GRIK5: variants seen among roughly 807,000 people sequenced by gnomAD.
GRIK5 encodes glutamate ionotropic receptor kainate type subunit 5.
Under a neutral mutation model 97.4 loss-of-function variants are expected in GRIK5, and 43 were observed. The observed-to-expected ratio is 0.44, with a 90% CI of 0.35 to 0.57. GRIK5 has a LOEUF of 0.57. GRIK5 is among the 20% of genes least tolerant of loss of function. The pLI, the probability that GRIK5 is intolerant of heterozygous loss-of-function variation, is 0.01. For missense variants in GRIK5, 1,015 were observed against 1,382.0 expected (o/e 0.73, Z 4.21); for synonymous variants, 580 against 583.5 (o/e 0.99, Z 0.09).
rs571224131 is a variant in GRIK5, at chr19:42,013,120, G to A, written c.1872-6310C>T. ...TGTAATCGCGGCACTTTGGGAGGCT[G>A]AGGCAGGAAGATCGCTTGAGGCCAG... On this transcript the variant is annotated intron_variant, in intron 15 of 19. Transcript: ENST00000593562. Among the ~76,000 whole-genome samples the A allele has an allele frequency of 5.3e-5, 8 of 151,416 alleles. No individual in the cohort carries two copies. The East Asian group carries it at 7.9e-4, about 15-fold the overall frequency.
chr19:42,012,934 C>A (rs2075581510), intron 15 of GRIK5, among the ~76,000 whole-genome samples: 1 of 151,842 alleles, frequency 6.6e-6, no homozygotes, highest in Non-Finnish European at 1.5e-5. Context: ...GTGTCAGTAT[C>A]CATAAATAAA....
intron 12 of GRIK5, among the ~76,000 whole-genome samples, chr19:42,032,130 T>C (rs1036162782): frequency 2.0e-5 from 3 of 152,166 alleles, no homozygotes; most frequent in Admixed American, 6.6e-5. Flanking sequence ...AAAAAAAAGA[T>C]GTTTGTTAAT....
At chr19:42,045,993 T>A (rs1411191240) in intron 11 of GRIK5, among the ~76,000 whole-genome samples, 1 of 152,124 alleles carries the variant, frequency 6.6e-6, no homozygotes. Context: ...AGGTTGGGTA[T>A]CAAAGCTGGA....
At chr19:42,030,622 A>G (rs1042336943) in intron 12 of GRIK5, among the ~76,000 whole-genome samples, 3 of 144,878 alleles carry the variant, frequency 2.1e-5, no homozygotes, top group Non-Finnish European at 4.6e-5. Flanking sequence ...TGCCCAGCTA[A>G]TTTTTTTTTT....
In GRIK5 at chr19:42,069,258, A is replaced by T. The variant is rs1283611116; in HGVS notation, c.-68T>A. 4 of 179,270 alleles carry T rather than the reference A, an allele frequency of 2.2e-5. No homozygotes were observed. The East Asian group carries it at 5.0e-4, about 23-fold the overall frequency. 11.1% of individuals were successfully genotyped at this position (179,270 alleles called of 1,614,324 possible). On this transcript the variant is annotated 5_prime_UTR_variant, in exon 1 of 20. Coordinates refer to ENST00000593562, the MANE Select transcript of GRIK5 (RefSeq NM_002088.5). The stretch of plus-strand genomic sequence containing the variant: ...ACACTCACGGATCCTGGTGGGACGG[A>T]GGGCTGGGCTCCCTCGAGGCCCGAA...
intron 15 of GRIK5, among the ~76,000 whole-genome samples, chr19:42,012,513 A>G (rs1568886853): frequency 6.6e-6 from 1 of 152,132 alleles, no homozygotes; most frequent in Non-Finnish European, 1.5e-5. Context: ...GGCCTCCCAA[A>G]GTGCTAGGAT....
chr19:42,027,448 G>A (rs1286996839), intron 12 of GRIK5, among the ~76,000 whole-genome samples: 1 of 152,248 alleles, frequency 6.6e-6, no homozygotes, highest in Non-Finnish European at 1.5e-5. Flanking sequence ...AGGAGGGCCT[G>A]GGAAGGCAGC....
chr19:42,065,586 C>A lies in GRIK5; in HGVS notation c.79+106G>T. 1.8e-6 allele frequency: 2 copies of A among 1,087,788 alleles called. No individual in the cohort carries two copies. Among genetic ancestry groups the A allele is most frequent in the Non-Finnish European group, 2.7e-6 (2 of 750,574 alleles). 67.4% of individuals were successfully genotyped at this position (1,087,788 alleles called of 1,614,324 possible). ...AGGAACTGGAGGCTGGGATTCCTTG[C>A]TGCTGAAGAGAGCTGAGACCTGGAC... is the stretch of plus-strand genomic sequence containing the variant. On this transcript the variant is annotated intron_variant, in intron 2 of 19. Coordinates refer to ENST00000593562, the MANE Select transcript of GRIK5 (RefSeq NM_002088.5). This position sits in a 1 kb window ranked among gnomAD's most constrained non-coding sequence, Gnocchi z 5.8.
chr19:42,060,167 A>G (rs757962232), intron 5 of GRIK5, among the ~76,000 whole-genome samples: 3 of 151,928 alleles, frequency 2.0e-5, no homozygotes, highest in South Asian at 4.2e-4. Flanking sequence ...AATCTGCCCA[A>G]CTCAACCCCT....
intron 15 of GRIK5, among the ~76,000 whole-genome samples, chr19:42,007,413 T>A (rs115875872): frequency 6.6e-6 from 1 of 152,130 alleles, no homozygotes; most frequent in Non-Finnish European, 1.5e-5. Context: ...ATTTAAAACA[T>A]AGGACAAGAG....
chr19:42,023,275 G>A (rs1450640505), intron 12 of GRIK5, among the ~76,000 whole-genome samples: 7 of 152,116 alleles, frequency 4.6e-5, no homozygotes, highest in African/African-American at 9.7e-5. Context: ...AGACAGCACA[G>A]CCCTGAAGCA....
rs1192913122 is a variant in GRIK5, at chr19:42,002,143, G to A, written c.2514+1189C>T. On this transcript the variant is annotated intron_variant, in intron 19 of 19. Transcript: ENST00000593562. This position sits in a 1 kb window ranked among gnomAD's most constrained non-coding sequence, Gnocchi z 5.2. ...GACATGGAAGTTGCTGGTGACAAGA[G>A]TGGCTTCAGTGGAGTGGCAGGGACC... 9 of 717,464 alleles carry A rather than the reference G, an allele frequency of 1.3e-5. No individual in the cohort carries two copies. Among genetic ancestry groups the A allele is most frequent in the Non-Finnish European group, 2.3e-5 (9 of 385,096 alleles). 44.4% of individuals were successfully genotyped at this position (717,464 alleles called of 1,614,324 possible).
intron 11 of GRIK5, among the ~76,000 whole-genome samples, chr19:42,052,575 T>C (rs1374873852): frequency 1.3e-5 from 2 of 152,202 alleles, no homozygotes; most frequent in African/African-American, 4.8e-5. Flanking sequence ...TGCAAAACCC[T>C]CTTGTAACCC....
chr19:42,026,496 C>T (rs929639404), intron 12 of GRIK5, among the ~76,000 whole-genome samples: 20 of 151,936 alleles, frequency 1.3e-4, no homozygotes, highest in African/African-American at 2.9e-4. Context: ...TCAGGTAATC[C>T]GCCTGCCTCA....
chr19:42,046,747 T>G (rs973326556), intron 11 of GRIK5, among the ~76,000 whole-genome samples: 2 of 152,128 alleles, frequency 1.3e-5, no homozygotes, highest in African/African-American at 4.8e-5. Context: ...GCATAGACAT[T>G]TCTGGGAGGA....
chr19:41,998,980 G>A lies in GRIK5; in HGVS notation c.2834C>T (p.Ser945Leu), dbSNP rs782613599. The A allele has an allele frequency of 2.3e-5, 28 of 1,191,884 alleles. No homozygotes were observed. The South Asian group carries it at 6.9e-4, about 30-fold the overall frequency. 73.8% of individuals were successfully genotyped at this position (1,191,884 alleles called of 1,614,324 possible). ...GCCACGCGGAGGCGCGCCGGCCCCC[G>A]AGGCCCGCAGCGCCTGGATGCGCCG... Reference protein sequence around the residue: ...ECRRIQALRASGAGAPPRGLG... With the variant: ...ECRRIQALRALGAGAPPRGLG... The change falls in exon 20 of 20, where the codon TCG (serine) becomes TTG (leucine). Residue 945 changes from serine to leucine, a missense_variant. This residue lies in a region of GRIK5 where 109 missense variants were observed against 100.4 expected (regional missense o/e 1.09). Transcript: ENST00000593562.
chr19:42,005,351 T>C (rs2075475766), intron 17 of GRIK5, among the ~76,000 whole-genome samples: 1 of 152,078 alleles, frequency 6.6e-6, no homozygotes, highest in Admixed American at 6.6e-5. Context: ...CAAGCATTTT[T>C]CAAGCACCTG....
intron 11 of GRIK5, among the ~76,000 whole-genome samples, chr19:42,046,175 C>T (rs1162014340): frequency 6.6e-6 from 1 of 152,204 alleles, no homozygotes; most frequent in Non-Finnish European, 1.5e-5. Flanking sequence ...ACAACCCAGT[C>T]ACTGTGCACT....
intron 17 of GRIK5, 26 bp downstream of exon 17, chr19:42,005,697 G>A (rs1555872318): frequency 1.9e-6 from 3 of 1,541,176 alleles, no homozygotes; most frequent in Non-Finnish European, 2.7e-6. Flanking sequence ...CGGCCCTGCT[G>A]TGTTCCACAC....
Sources: allele counts gnomAD v4.1 joint callset (sites outside exome capture counted in the v4.1 genomes callset), GRCh38; gene constraint gnomAD v4.1.1; regional missense constraint gnomAD v4.1.1; non-coding constraint Gnocchi (gnomAD v3.1); transcripts MANE v1.5; gene names NCBI Gene and HGNC (gene_info 2026-07-23, HGNC 2026-07-21).